CACNB2: variants seen among roughly 807,000 people sequenced by gnomAD.
CACNB2 encodes voltage-dependent L-type calcium channel subunit beta-2.
CACNB2 carries 42 observed loss-of-function variants against 73.3 expected under a neutral mutation model. The observed-to-expected ratio is 0.57, with a 90% CI of 0.45 to 0.74. CACNB2 has a LOEUF of 0.74. Ranked by LOEUF, CACNB2 falls within the 30% of genes least tolerant of loss-of-function variation. The pLI is 0.00. For missense variants in CACNB2, 940 were observed against 853.0 expected, an observed-to-expected ratio of 1.10 and a Z score of -1.27; for synonymous variants, 348 against 310.3, an observed-to-expected ratio of 1.12 and a Z score of -1.28.
intron 3 of CACNB2, among the ~76,000 whole-genome samples, chr10:18,427,074 G>T (rs1267153730): frequency 2.7e-5 from 4 of 146,258 alleles, no homozygotes; most frequent in African/African-American, 7.6e-5. Flanking sequence ...TCCTGCCTTA[G>T]CCTCCCTAGT....
In CACNB2 at chr10:18,397,167, G is replaced by A. The variant is rs967216739; in HGVS notation, c.214-4757G>A. Reference sequence around the variant, plus strand: ...CAGCAAAGTATATAAATTTTTTAAAGCATTAAAGAAAAAGGGTGGCCAGGT... The same window carrying A: ...CAGCAAAGTATATAAATTTTTTAAAACATTAAAGAAAAAGGGTGGCCAGGT... On this transcript the variant is annotated intron_variant, in intron 2 of 13. Transcript: ENST00000324631. 5.3e-5 allele frequency among the ~76,000 whole-genome samples: 8 copies of A among 152,088 alleles called. No homozygotes were observed. The South Asian group carries it at 1.0e-3, about 20-fold the overall frequency.
intron 2 of CACNB2, among the ~76,000 whole-genome samples, chr10:18,270,184 G>A (rs1230058783): frequency 1.6e-4 from 25 of 152,188 alleles, no homozygotes; most frequent in Non-Finnish European, 2.9e-5. Context: ...CGGCAGGAGA[G>A]AGTAGAGAGC....
intron 2 of CACNB2, among the ~76,000 whole-genome samples, chr10:18,369,671 C>A (rs984322699): frequency 6.6e-6 from 1 of 152,144 alleles, no homozygotes; most frequent in African/African-American, 2.4e-5. Flanking sequence ...CTTTGGGAGG[C>A]CCAGGCAGGC....
At chr10:18,428,671 G>A (rs375925788) in intron 3 of CACNB2, among the ~76,000 whole-genome samples, 7 of 141,348 alleles carry the variant, frequency 5.0e-5, no homozygotes, top group African/African-American at 1.9e-4. Flanking sequence ...GGGTGACAAA[G>A]CGAGACACTG....
chr10:18,178,786 G>C (rs775196355), intron 2 of CACNB2, among the ~76,000 whole-genome samples: 6 of 152,202 alleles, frequency 3.9e-5, no homozygotes, highest in Non-Finnish European at 8.8e-5. Context: ...AGACTGCCAG[G>C]AGAGCTGCCA....
intron 2 of CACNB2, among the ~76,000 whole-genome samples, chr10:18,316,079 ACAGT>A (rs1006560676): frequency 3.9e-5 from 6 of 152,226 alleles, no homozygotes; most frequent in African/African-American, 1.4e-4. Context: ...CAAAATTTTA[ACAGT>A]CAGGCAGGCC....
At chr10:18,520,497 T>C (rs1044216381) in intron 9 of CACNB2, among the ~76,000 whole-genome samples, 29 of 152,322 alleles carry the variant, frequency 1.9e-4, no homozygotes, top group African/African-American at 7.0e-4. Context: ...GTTGTTCCCT[T>C]AAAGCCTGTG....
intron 2 of CACNB2, among the ~76,000 whole-genome samples, chr10:18,313,089 T>C (rs1321004372): frequency 1.3e-5 from 2 of 152,182 alleles, no homozygotes; most frequent in Admixed American, 6.5e-5. Context: ...TCATTTTTTA[T>C]AGTTGCATTT....
chr10:18,145,170 T>C (rs562592488), intron 1 of CACNB2, among the ~76,000 whole-genome samples: 1 of 152,360 alleles, frequency 6.6e-6, no homozygotes, highest in East Asian at 1.9e-4. Context: ...AAGCATGTTG[T>C]GGTAATACAG....
intron 3 of CACNB2, among the ~76,000 whole-genome samples, chr10:18,442,718 A>G (rs958453936): frequency 8.6e-5 from 13 of 150,752 alleles, no homozygotes; most frequent in African/African-American, 3.2e-4. Context: ...CCAGCTACTC[A>G]GAAGGCTGAG....
At chr10:18,260,367 T>G in intron 2 of CACNB2, 1 of 879,948 alleles carries the variant, frequency 1.1e-6, no homozygotes, top group Non-Finnish European at 1.4e-6. Flanking sequence ...AATGAATTAA[T>G]GAGGTCTGAG....
At chr10:18,524,594 G>A (rs2052265548) in intron 9 of CACNB2, among the ~76,000 whole-genome samples, 1 of 148,596 alleles carries the variant, frequency 6.7e-6, no homozygotes, top group South Asian at 2.1e-4. Flanking sequence ...GGCGGAGATT[G>A]CAGTAAGCCA....
At chr10:18,287,605 C>A (rs1331988335) in intron 2 of CACNB2, among the ~76,000 whole-genome samples, 1 of 152,186 alleles carries the variant, frequency 6.6e-6, no homozygotes, top group Non-Finnish European at 1.5e-5. Flanking sequence ...AATCCCAGCA[C>A]TTTGGGAGGC....
chr10:18,532,697 C>CAAAAAAAA (rs1187679628), intron 10 of CACNB2, among the ~76,000 whole-genome samples: 3 of 125,110 alleles, frequency 2.4e-5, no homozygotes, highest in Non-Finnish European at 3.2e-5. Context: ...AAAAAAAAAA[C>CAAAAAAAA]AAAACAAAAA....
chr10:18,397,381 C>T (rs564408919), intron 2 of CACNB2, among the ~76,000 whole-genome samples: 2 of 152,148 alleles, frequency 1.3e-5, no homozygotes, highest in African/African-American at 2.4e-5. Flanking sequence ...AGGAGAATCA[C>T]GTGAACCTAG....
intron 3 of CACNB2, among the ~76,000 whole-genome samples, chr10:18,427,163 C>T (rs1448382700): frequency 6.6e-6 from 1 of 152,024 alleles, no homozygotes; most frequent in Non-Finnish European, 1.5e-5. Context: ...CCATGCTGGT[C>T]AGGCTGGTCT....
chr10:18,458,485 T>A (rs1376905969), intron 3 of CACNB2, among the ~76,000 whole-genome samples: 1 of 152,212 alleles, frequency 6.6e-6, no homozygotes, highest in East Asian at 1.9e-4. Context: ...CATACTAGTC[T>A]CAATACATGC....
chr10:18,401,185 G>A, intron 2 of CACNB2: 1 of 1,476,218 alleles, frequency 6.8e-7, no homozygotes. Context: ...TAGAGAGGGT[G>A]GTTTGATTTG....
intron 3 of CACNB2, among the ~76,000 whole-genome samples, chr10:18,486,703 G>T (rs1052449514): frequency 6.6e-6 from 1 of 152,188 alleles, no homozygotes; most frequent in Non-Finnish European, 1.5e-5. Context: ...GCAGTGAGAT[G>T]AGGGACTTCA....
Sources: allele counts gnomAD v4.1 joint callset (sites outside exome capture counted in the v4.1 genomes callset), GRCh38; gene constraint gnomAD v4.1.1; transcripts MANE v1.5; gene names NCBI Gene and HGNC (gene_info 2026-07-23, HGNC 2026-07-21).